The following MBOAT1 variants were observed in gnomAD, a reference collection of about 807,000 sequenced individuals.
MBOAT1 encodes membrane-bound glycerophospholipid O-acyltransferase 1.
MBOAT1 carries 67 observed loss-of-function variants against 64.4 expected under a neutral mutation model. The ratio of observed to expected loss-of-function variants is 1.04; its 90% CI spans 0.85 to 1.27. The LOEUF (loss-of-function observed/expected upper bound fraction) is 1.27, where lower values mean the gene tolerates loss of function less well. Among genes scored for constraint, MBOAT1 ranks in the 50% most tolerant of loss-of-function variants. The pLI is 0.00. For synonymous variants in MBOAT1, 229 were observed against 218.9 expected (o/e 1.05, Z -0.41); for missense variants, 563 against 604.6 (o/e 0.93, Z 0.72).
At chr6:20,168,216 A>G (rs1762065555) in intron 1 of MBOAT1, among the ~76,000 whole-genome samples, 1 of 152,158 alleles carries the variant, frequency 6.6e-6, no homozygotes, top group African/African-American at 2.4e-5. Context: ...TACACATTTG[A>G]AATAGTAAAA....
intron 1 of MBOAT1, among the ~76,000 whole-genome samples, chr6:20,172,950 G>C (rs532480438): frequency 3.9e-5 from 6 of 152,302 alleles, no homozygotes; most frequent in Non-Finnish European, 7.4e-5. Context: ...GATTTCTCAT[G>C]AATGGTTTAC....
In MBOAT1 at chr6:20,212,264, T is replaced by C. The variant is rs1479331145; in HGVS notation, c.-30A>G. 1 of 1,593,494 alleles carries C rather than the reference T, an allele frequency of 6.3e-7. No homozygotes were observed. Among genetic ancestry groups the C allele is most frequent in the South Asian group, 1.1e-5 (1 of 88,822 alleles). The stretch of plus-strand genomic sequence containing the variant: ...CATCTTCGGGAGGTGGCTGCCCCTG[T>C]CCCAGCCCGCAACACCCCCTGCTCG... On this transcript the variant is annotated 5_prime_UTR_variant, in exon 1 of 13. Coordinates refer to ENST00000324607, the MANE Select transcript of MBOAT1 (RefSeq NM_001080480.3).
chr6:20,147,915 C>T (rs1761373752), intron 3 of MBOAT1, among the ~76,000 whole-genome samples: 1 of 152,148 alleles, frequency 6.6e-6, no homozygotes, highest in Non-Finnish European at 1.5e-5. Flanking sequence ...TAAGACTTGG[C>T]ACAAAGGACA....
At chr6:20,120,545 T>G (rs896486115) in intron 8 of MBOAT1, among the ~76,000 whole-genome samples, 18 of 152,156 alleles carry the variant, frequency 1.2e-4, no homozygotes, top group Admixed American at 9.8e-4. Context: ...GGCGGGCACT[T>G]GCAATCCCAG....
chr6:20,130,993 G>C (rs1465345635), intron 5 of MBOAT1, 151 bp downstream of exon 5: 1 of 628,548 alleles, frequency 1.6e-6, no homozygotes, highest in African/African-American at 1.8e-5. Context: ...AAAGTGAAAG[G>C]CTATGATTGC....
At chr6:20,115,934 G>A (rs1386178604) in intron 9 of MBOAT1, among the ~76,000 whole-genome samples, 1 of 151,470 alleles carries the variant, frequency 6.6e-6, no homozygotes, top group Admixed American at 6.6e-5. Flanking sequence ...AGTGGCGCAA[G>A]CAAATCAACC....
intron 12 of MBOAT1, among the ~76,000 whole-genome samples, chr6:20,107,916 T>A (rs1760008578): frequency 6.6e-6 from 1 of 152,198 alleles, no homozygotes. Context: ...TGCCAAAGGC[T>A]GCTTCCGGGC....
intron 1 of MBOAT1, among the ~76,000 whole-genome samples, chr6:20,184,880 A>AGTGTGTGTGTGTGT (rs58865791): frequency 0.096 from 13,664 of 142,804 alleles, 838 homozygotes; most frequent in Non-Finnish European, 0.13. Context: ...TTATAACTGC[A>AGTGTGTGTGTGTGT]GTGTGTGTGT....
chr6:20,140,684 C>T (rs549370934), intron 4 of MBOAT1, among the ~76,000 whole-genome samples: 4 of 152,170 alleles, frequency 2.6e-5, no homozygotes, highest in Non-Finnish European at 5.9e-5. Flanking sequence ...CTGAATCATA[C>T]CACCAGCTTT....
intron 1 of MBOAT1, among the ~76,000 whole-genome samples, chr6:20,163,756 C>T (rs1761932012): frequency 1.3e-5 from 2 of 152,168 alleles, no homozygotes; most frequent in African/African-American, 4.8e-5. Context: ...TCCAGTCCAG[C>T]ATGCCTTCTG....
At chr6:20,203,726 A>C (rs912869480) in intron 1 of MBOAT1, among the ~76,000 whole-genome samples, 1 of 152,054 alleles carries the variant, frequency 6.6e-6, no homozygotes, top group Non-Finnish European at 1.5e-5. Context: ...AGGCCCCAAC[A>C]GACCAGACCA....
chr6:20,106,708 C>T (rs1759969341), intron 12 of MBOAT1, among the ~76,000 whole-genome samples: 1 of 152,158 alleles, frequency 6.6e-6, no homozygotes, highest in Non-Finnish European at 1.5e-5. Context: ...AGGCATGAGC[C>T]ACCGCGCCCG....
At chr6:20,199,225 T>C (rs1461221047) in intron 1 of MBOAT1, among the ~76,000 whole-genome samples, 1 of 152,222 alleles carries the variant, frequency 6.6e-6, no homozygotes, top group South Asian at 2.1e-4. Context: ...CAGTTAAACT[T>C]CTTTAAATTT....
chr6:20,199,381 G>C (rs563998085), intron 1 of MBOAT1, among the ~76,000 whole-genome samples: 21 of 152,092 alleles, frequency 1.4e-4, no homozygotes, highest in Admixed American at 1.1e-3. Flanking sequence ...TATTTCTAAA[G>C]ACACTCTAAA....
chr6:20,123,349 C>T (rs1460778727), intron 8 of MBOAT1, among the ~76,000 whole-genome samples: 1 of 152,124 alleles, frequency 6.6e-6, no homozygotes, highest in African/African-American at 2.4e-5. Flanking sequence ...AAGCGCAGGT[C>T]GCTTGCAGCT....
intron 12 of MBOAT1, among the ~76,000 whole-genome samples, chr6:20,105,008 A>T (rs1022685581): frequency 1.3e-5 from 2 of 152,246 alleles, no homozygotes; most frequent in Non-Finnish European, 2.9e-5. Flanking sequence ...ACAGCAAGTG[A>T]CCATCTAATC....
intron 11 of MBOAT1, 96 bp from the exon 12 acceptor site, chr6:20,109,845 G>C: frequency 8.0e-7 from 1 of 1,250,422 alleles, no homozygotes; most frequent in East Asian, 2.6e-5. Flanking sequence ...CAGGAACATG[G>C]GCTACAGAAG....
chr6:20,165,055 T>C (rs1047784268), intron 1 of MBOAT1, among the ~76,000 whole-genome samples: 1 of 152,256 alleles, frequency 6.6e-6, no homozygotes, highest in African/African-American at 2.4e-5. Flanking sequence ...TTGATTTTTC[T>C]GATATTTTCA....
At chr6:20,149,424 G>A (rs1761425696) in intron 3 of MBOAT1, among the ~76,000 whole-genome samples, 1 of 152,124 alleles carries the variant, frequency 6.6e-6, no homozygotes, top group Non-Finnish European at 1.5e-5. Context: ...TTGGGAATGT[G>A]CTATACAGTT....
Sources: allele counts gnomAD v4.1 joint callset (sites outside exome capture counted in the v4.1 genomes callset), GRCh38; gene constraint gnomAD v4.1.1; transcripts MANE v1.5; gene names NCBI Gene and HGNC (gene_info 2026-07-23, HGNC 2026-07-21).